The following C1QB variants were observed in gnomAD, a reference collection of about 807,000 sequenced individuals.
C1QB encodes complement C1q B chain.
A neutral mutation model predicts 4.6 loss-of-function variants in C1QB; 2 were observed. The ratio of observed to expected loss-of-function variants is 0.43; its 90% CI spans 0.18 to 1.36. C1QB has a LOEUF of 1.36. C1QB is among the 40% of genes most tolerant of loss of function. The pLI is 0.28. For synonymous variants in C1QB, 132 were observed against 137.1 expected (o/e 0.96, Z 0.26); for missense variants, 292 against 338.0 (o/e 0.86, Z 1.07).
rs1416647441 is a variant in C1QB at position 22,659,292 on chromosome 1, A to G, written c.-23-148A>G. 4 of 648,100 alleles carry G rather than the reference A, an allele frequency of 6.2e-6. No homozygotes were observed. In the East Asian group the frequency reaches 1.0e-4, roughly 16 times the overall value. 40.1% of individuals were successfully genotyped at this position (648,100 alleles called of 1,614,324 possible). The stretch of plus-strand genomic sequence containing the variant: ...GACGGATGCAGATGGAGGGATAGAG[A>G]GATGGATGGATGGATGGATGGATGG... On this transcript the variant is annotated intron_variant, in intron 1 of 2. Transcript: ENST00000509305.
chr1:22,659,738 G>A (rs1642593249), intron 2 of C1QB, 95 bp downstream of exon 2: 1 of 1,420,094 alleles, frequency 7.0e-7, no homozygotes, highest in African/African-American at 1.4e-5. Flanking sequence ...GACTGCAAAA[G>A]CACTGGCAAA....
intron 1 of C1QB, among the ~76,000 whole-genome samples, chr1:22,653,764 G>A (rs1000714519): frequency 2.6e-5 from 4 of 152,178 alleles, no homozygotes; most frequent in South Asian, 2.1e-4. Context: ...GGGATTATAA[G>A]CCAGTCGCTC....
intron 1 of C1QB, among the ~76,000 whole-genome samples, chr1:22,656,973 C>T (rs565467441): frequency 7.9e-4 from 120 of 152,172 alleles, no homozygotes; most frequent in Non-Finnish European, 1.5e-3. Flanking sequence ...AGGGAAGAGG[C>T]GTGCCACTGT....
At chr1:22,660,668 A>G in intron 2 of C1QB, 144 bp from the exon 3 acceptor site, 1 of 799,830 alleles carries the variant, frequency 1.3e-6, no homozygotes, top group South Asian at 1.5e-5. Context: ...AGGGAGACCC[A>G]GAGCCCCTGC....
rs368860519 is a variant in C1QB at position 22,661,064 on chromosome 1, C to A, written c.434C>A (p.Thr145Asn). The change falls in exon 3 of 3, where the codon ACC (threonine) becomes AAC (asparagine). Residue 145 changes from threonine (T) to asparagine (N), a missense_variant. Physicochemically the swap from Thr to Asn is moderately conservative, Grantham distance 65 (BLOSUM62 0). Coordinates refer to ENST00000509305, the MANE Select transcript of C1QB (RefSeq NM_001378156.1). ...ACCATCCGCTTCGACCACGTGATCA[C>A]CAACATGAACAACAATTATGAGCCC... ...DQTIRFDHVITNMNNNYEPRS... is the reference protein window; with the variant it reads ...DQTIRFDHVINNMNNNYEPRS... 1.2e-6 allele frequency: 2 copies of A among 1,614,032 alleles called. No individual in the cohort carries two copies. Among genetic ancestry groups the A allele is most frequent in the African/African-American group, 1.3e-5 (1 of 74,918 alleles).
chr1:22,654,558 T>C (rs1195248033), intron 1 of C1QB, among the ~76,000 whole-genome samples: 4 of 152,170 alleles, frequency 2.6e-5, no homozygotes, highest in Non-Finnish European at 5.9e-5. Flanking sequence ...TAATATTCAT[T>C]AAGAATTTCC....
intron 1 of C1QB, chr1:22,653,884 T>A (rs1240470812): frequency 6.6e-6 from 1 of 152,216 alleles, no homozygotes; most frequent in African/African-American, 2.4e-5. Flanking sequence ...AGAGTTACGA[T>A]GAGTTCTCAG....
chr1:22,656,493 G>A (rs114007107), intron 1 of C1QB, among the ~76,000 whole-genome samples: 1 of 152,124 alleles, frequency 6.6e-6, no homozygotes, highest in Non-Finnish European at 1.5e-5. Flanking sequence ...GGGCAACAGA[G>A]TGAGACCCCA....
At position 22,660,905 on chromosome 1, in the gene C1QB, C is replaced by G; in HGVS notation, c.275C>G (p.Pro92Arg). 6.2e-7 allele frequency: 1 copy of G among 1,612,992 alleles called. No homozygotes were observed. Among genetic ancestry groups the G allele is most frequent in the Non-Finnish European group, 8.5e-7 (1 of 1,179,630 alleles). The change falls in exon 3 of 3, where the codon CCC becomes CGC. Residue 92 changes from proline (P) to arginine (R), a missense_variant. Transcript: ENST00000509305. ...CCAGGAAAAGTCGGCCCCAAGGGCCCCATGGGCCCTAAAGGTGGCCCAGGG... is the reference window on the plus strand; with the variant it reads ...CCAGGAAAAGTCGGCCCCAAGGGCCGCATGGGCCCTAAAGGTGGCCCAGGG... ...GNPGKVGPKG[P>R]MGPKGGPGAP...
At chr1:22,655,984 A>G (rs1363568052) in intron 1 of C1QB, among the ~76,000 whole-genome samples, 2 of 152,224 alleles carry the variant, frequency 1.3e-5, no homozygotes, top group Non-Finnish European at 2.9e-5. Context: ...GAAACGGTGC[A>G]AACTATGGAT....
At chr1:22,656,174 A>G (rs1642529359) in intron 1 of C1QB, among the ~76,000 whole-genome samples, 1 of 152,224 alleles carries the variant, frequency 6.6e-6, no homozygotes, top group African/African-American at 2.4e-5. Context: ...ACCTTGGCAG[A>G]GGTGTCATTG....
intron 1 of C1QB, among the ~76,000 whole-genome samples, chr1:22,656,409 C>T (rs979777848): frequency 1.3e-5 from 2 of 152,046 alleles, no homozygotes; most frequent in African/African-American, 2.4e-5. Context: ...CGAGATGGTG[C>T]GTGCCTGTAA....
rs199696043 is a variant in C1QB at position 22,661,031 on chromosome 1, G to A, written c.401G>A (p.Arg134Gln). The A allele has an allele frequency of 1.3e-4, 213 of 1,613,882 alleles. No individual in the cohort carries two copies. Among genetic ancestry groups the A allele is most frequent in the Non-Finnish European group, 1.7e-4 (196 of 1,179,966 alleles). Residue 134 changes from arginine (R) to glutamine (Q), a missense_variant, in exon 3 of 3, where the codon CGG (arginine) becomes CAG (glutamine). Arg to Gln is a conservative substitution (Grantham distance 43). Transcript: ENST00000509305. ...ATRTINVPLR[R>Q]DQTIRFDHVI... ...AGAACCATCAACGTCCCCCTGCGCCGGGACCAGACCATCCGCTTCGACCAC... is the reference window on the plus strand; with the variant it reads ...AGAACCATCAACGTCCCCCTGCGCCAGGACCAGACCATCCGCTTCGACCAC...
chr1:22,660,911 GC>G lies in C1QB; in HGVS notation c.284del (p.Pro95LeufsTer49). 1 of 1,613,500 alleles carries G rather than the reference GC, an allele frequency of 6.2e-7. No homozygotes were observed. Among genetic ancestry groups the G allele is most frequent in the Non-Finnish European group, 8.5e-7 (1 of 1,179,790 alleles). ...PGKVGPKGPM[G>X]PKGGPGAPGA... ...AAAGTCGGCCCCAAGGGCCCCATGG[GC>G]CCTAAAGGTGGCCCAGGGGCCCCTG... On this transcript the variant is annotated frameshift_variant, in exon 3 of 3. Transcript: ENST00000509305. LOFTEE classifies it low-confidence loss of function (END_TRUNC).
intron 1 of C1QB, among the ~76,000 whole-genome samples, chr1:22,653,636 C>T (rs1423652134): frequency 1.3e-5 from 2 of 152,188 alleles, no homozygotes; most frequent in African/African-American, 2.4e-5. Context: ...TCTCTCAGCC[C>T]GGCCCCCCTA....
chr1:22,657,148 C>T (rs1054447955), intron 1 of C1QB, among the ~76,000 whole-genome samples: 6 of 152,132 alleles, frequency 3.9e-5, no homozygotes, highest in Non-Finnish European at 7.4e-5. Context: ...TTCAGCCCCA[C>T]TCCCCTCCCC....
At chr1:22,655,139 T>C (rs1239167948) in intron 1 of C1QB, among the ~76,000 whole-genome samples, 1 of 152,248 alleles carries the variant, frequency 6.6e-6, no homozygotes. Context: ...GCAAGCCATC[T>C]GGCTCAGAGC....
intron 1 of C1QB, among the ~76,000 whole-genome samples, chr1:22,659,005 G>A (rs1242207976): frequency 1.3e-5 from 2 of 149,024 alleles, no homozygotes; most frequent in African/African-American, 5.0e-5. Context: ...ATGGGTGGAT[G>A]AATGGATGCA....
chr1:22,658,826 G>T (rs1273014546), intron 1 of C1QB, among the ~76,000 whole-genome samples: 1 of 151,440 alleles, frequency 6.6e-6, no homozygotes, highest in East Asian at 2.0e-4. Flanking sequence ...TGGATGGATG[G>T]ACAGATGGAC....
Sources: gnomAD v4.1 joint callset for allele counts (sites outside exome capture counted in the v4.1 genomes callset) on GRCh38, gnomAD v4.1.1 for gene constraint, MANE v1.5 for transcripts, NCBI Gene and HGNC (gene_info 2026-07-23, HGNC 2026-07-21) for gene names.